The following VPS13D variants were observed in gnomAD, a reference collection of about 807,000 sequenced individuals.
VPS13D encodes the protein vacuolar protein sorting 13 homolog D.
VPS13D carries 187 observed loss-of-function variants against 461.9 expected under a neutral mutation model. The ratio of observed to expected loss-of-function variants is 0.40; its 90% CI spans 0.36 to 0.46. The LOEUF (loss-of-function observed/expected upper bound fraction) is 0.46, where lower values mean the gene tolerates loss of function less well. Among genes scored for constraint, VPS13D ranks in the 20% least tolerant of loss-of-function variants. The pLI is 0.60. For synonymous variants in VPS13D, 1,951 were observed against 1,986.3 expected, an observed-to-expected ratio of 0.98 and a Z score of 0.47; for missense variants, 4,711 against 5,364.9, an observed-to-expected ratio of 0.88 and a Z score of 3.81.
In VPS13D at chr1:12,353,994, A is replaced by G; in HGVS notation, c.9452A>G (p.Lys3151Arg). The change falls in exon 47 of 70, where the codon AAA becomes AGA. Residue 3151 changes from lysine to arginine, a missense_variant. This residue lies in a region of VPS13D where 4,411 missense variants were observed against 4,937.8 expected (regional missense o/e 0.89). Transcript: ENST00000620676. ...CATAGGTTTTGTGTGGCTATAAAGA[A>G]AGAGAATTATCCAGATTATATGCCC... ...RFFRFCVAIKKENYPDYMPSN... is the reference protein window; with the variant it reads ...RFFRFCVAIKRENYPDYMPSN... 6.2e-7 allele frequency: 1 copy of G among 1,614,116 alleles called. No individual in the cohort carries two copies. Among genetic ancestry groups the G allele is most frequent in the Non-Finnish European group, 8.5e-7 (1 of 1,179,960 alleles).
In VPS13D at chr1:12,275,822, C is replaced by T; in HGVS notation, c.2237-3C>T. 1 of 1,556,194 alleles carries T rather than the reference C, an allele frequency of 6.4e-7. No homozygotes were observed. Among genetic ancestry groups the T allele is most frequent in the Non-Finnish European group, 8.7e-7 (1 of 1,154,408 alleles). ...ATTTGAATCTTCTTTTTTTTATCTT[C>T]AGATAACTCCAGGAGGAAAAGTAGG... On this transcript the variant is annotated splice_region_variant and splice_polypyrimidine_tract_variant and intron_variant, in intron 18 of 69. Coordinates refer to ENST00000620676, the MANE Select transcript of VPS13D (RefSeq NM_015378.4).
chr1:12,463,725 A>ACTGTT (rs200679108), intron 67 of VPS13D, among the ~76,000 whole-genome samples: 4,626 of 152,300 alleles, frequency 0.03, 96 homozygotes, highest in Non-Finnish European at 0.048. Context: ...CCTGCACTCC[A>ACTGTT]GCCTGGGCAA....
chr1:12,426,811 G>C (rs1037427818), intron 65 of VPS13D, among the ~76,000 whole-genome samples: 1 of 152,116 alleles, frequency 6.6e-6, no homozygotes, highest in Non-Finnish European at 1.5e-5. Flanking sequence ...GAGGTCAGGA[G>C]TTTGAGACCA....
At chr1:12,319,455 G>C (rs746347748) in intron 31 of VPS13D, 42 bp from the exon 32 acceptor site, 1 of 1,608,966 alleles carries the variant, frequency 6.2e-7, no homozygotes, top group South Asian at 1.1e-5. Context: ...GTGTTTTCCA[G>C]CTTCCCAGCT....
Position 12,261,146 on chromosome 1 carries a change from C to G in VPS13D, c.1411C>G (p.Leu471Val). The G allele has an allele frequency of 6.2e-7, 1 of 1,614,142 alleles. No individual in the cohort carries two copies. Among genetic ancestry groups the G allele is most frequent in the Non-Finnish European group, 8.5e-7 (1 of 1,180,010 alleles). ...QQEQWIPEEI[L>V]GTEEFFDPTA... ...GGAGCAGTGGATTCCTGAAGAGATC[C>G]TGGGTACGGTGGGAGCTGGCCTTCA... Residue 471 changes from leucine (L) to valine (V), a missense_variant, in exon 12 of 70, where the codon CTG (leucine) becomes GTG (valine). Around this residue, in one of 3 missense-constraint regions of VPS13D, gnomAD observed 4,411 missense variants for 4,937.8 expected, o/e 0.89. Coordinates refer to ENST00000620676, the MANE Select transcript of VPS13D (RefSeq NM_015378.4).
At chr1:12,457,426 C>A (rs1570212684) in intron 66 of VPS13D, among the ~76,000 whole-genome samples, 1 of 152,216 alleles carries the variant, frequency 6.6e-6, no homozygotes. Context: ...ATGTCACCAG[C>A]TGTGTACATC....
chr1:12,445,600 CATCCTAGGCAA>C (rs1411340061), intron 65 of VPS13D, among the ~76,000 whole-genome samples: 1 of 152,182 alleles, frequency 6.6e-6, no homozygotes, highest in African/African-American at 2.4e-5. Context: ...ATCCAAGGGA[CATCCTAGGCAA>C]ATCCTAGGCA....
intron 30 of VPS13D, among the ~76,000 whole-genome samples, chr1:12,314,684 TGGAA>T (rs1642843139): frequency 6.6e-6 from 1 of 152,192 alleles, no homozygotes; most frequent in Admixed American, 6.5e-5. Flanking sequence ...TTACAAATAA[TGGAA>T]GGGAAGGTGG....
intron 63 of VPS13D, among the ~76,000 whole-genome samples, chr1:12,407,736 C>T (rs1165927371): frequency 2.0e-5 from 3 of 152,078 alleles, no homozygotes; most frequent in East Asian, 1.9e-4. Flanking sequence ...AATATTTCCT[C>T]GATTCAGACC....
chr1:12,311,656 C>T, intron 28 of VPS13D, 31 bp downstream of exon 28: 1 of 1,611,308 alleles, frequency 6.2e-7, no homozygotes, highest in South Asian at 1.1e-5. Flanking sequence ...TTCTGTCACT[C>T]TCATAGTCTC....
chr1:12,352,390 C>G (rs1440568631), intron 46 of VPS13D, among the ~76,000 whole-genome samples: 1 of 151,918 alleles, frequency 6.6e-6, no homozygotes, highest in Non-Finnish European at 1.5e-5. Context: ...TCCTACAGAT[C>G]AACAATAAAA....
chr1:12,329,939 A>C (rs2101550775), intron 37 of VPS13D, 21 bp downstream of exon 37: 1 of 1,588,250 alleles, frequency 6.3e-7, no homozygotes, highest in African/African-American at 1.4e-5. Context: ...AGCATATGTT[A>C]TCATGGGATT....
rs191579549 is a variant in VPS13D at position 12,378,406 on chromosome 1, T to G, written c.10918-22T>G. 9 of 1,564,178 alleles carry G rather than the reference T, an allele frequency of 5.8e-6. No individual in the cohort carries two copies. The Admixed American group carries it at 1.7e-4, about 30-fold the overall frequency. ...GCTGCCCATAATGGCTCTTTCTCTT[T>G]TTGCTTGTACCTACTTAACAGGAAC... On this transcript the variant is annotated intron_variant, in intron 55 of 69. Transcript: ENST00000620676.
chr1:12,422,141 G>C (rs1397986760), intron 65 of VPS13D, among the ~76,000 whole-genome samples: 1 of 152,070 alleles, frequency 6.6e-6, no homozygotes, highest in African/African-American at 2.4e-5. Context: ...ATCCCCTTCA[G>C]TATGTCTTTA....
chr1:12,261,094 G>A lies in VPS13D; in HGVS notation c.1359G>A (p.Val453=), dbSNP rs1192411559. 6.2e-7 allele frequency: 1 copy of A among 1,614,070 alleles called. No individual in the cohort carries two copies. Among genetic ancestry groups the A allele is most frequent in the Admixed American group, 1.7e-5 (1 of 60,008 alleles). ...GGCAGCAGACCCCAGAAGGGAATGT[G>A]GTTGAGGGACTGTCAGCAGAGCAAC... is the stretch of plus-strand genomic sequence containing the variant. ...WYGQQTPEGN[V]VEGLSAEQQE... is the part of the protein sequence containing the mutation. Residue 453 remains valine, a synonymous_variant, in exon 12 of 70, where the codon GTG becomes GTA. Coordinates refer to ENST00000620676, the MANE Select transcript of VPS13D (RefSeq NM_015378.4).
chr1:12,344,555 G>A (rs2101581374), intron 42 of VPS13D, among the ~76,000 whole-genome samples: 1 of 152,288 alleles, frequency 6.6e-6, no homozygotes, highest in East Asian at 1.9e-4. Context: ...TTCTGGATAA[G>A]CCCATCCTCT....
chr1:12,467,770 T>C (rs1281004486), intron 67 of VPS13D, among the ~76,000 whole-genome samples: 1 of 152,246 alleles, frequency 6.6e-6, no homozygotes, highest in Non-Finnish European at 1.5e-5. Flanking sequence ...GTCATTTTTA[T>C]GCAAGATTAT....
At chr1:12,310,283 C>T (rs1302703437) in intron 27 of VPS13D, among the ~76,000 whole-genome samples, 4 of 152,158 alleles carry the variant, frequency 2.6e-5, no homozygotes, top group Non-Finnish European at 4.4e-5. Flanking sequence ...CTCTGTTTTT[C>T]TTTGTTATTG....
rs1210092754 is a variant in VPS13D at position 12,416,651 on chromosome 1, A to G, written c.12166-9A>G. 6.2e-7 allele frequency: 1 copy of G among 1,611,026 alleles called. No homozygotes were observed. The highest frequency in any genetic ancestry group is 8.5e-7 in the Non-Finnish European group (1 of 1,179,038). On this transcript the variant is annotated splice_polypyrimidine_tract_variant and intron_variant, in intron 64 of 69. Transcript: ENST00000620676. ...GATTGGACTTTTCTCTTCCTGTTCCATTTGGCAGGAACTCCTCAGCCAGGC... is the reference window on the plus strand; with the variant it reads ...GATTGGACTTTTCTCTTCCTGTTCCGTTTGGCAGGAACTCCTCAGCCAGGC...
Sources: gnomAD v4.1 joint callset for allele counts (sites outside exome capture counted in the v4.1 genomes callset) on GRCh38, gnomAD v4.1.1 for gene constraint, gnomAD v4.1.1 regional missense constraint, MANE v1.5 for transcripts, NCBI Gene and HGNC (gene_info 2026-07-23, HGNC 2026-07-21) for gene names.